The following FBXO39 variants were observed in gnomAD, a reference collection of about 807,000 sequenced individuals.
FBXO39 encodes F-box protein 39, also known as F-box only protein 39.
FBXO39 carries 22 observed loss-of-function variants against 36.6 expected under a neutral mutation model. The ratio of observed to expected loss-of-function variants is 0.60; its 90% confidence interval spans 0.43 to 0.86. FBXO39 has a LOEUF of 0.86. Ranked by LOEUF, FBXO39 falls within the 40% of genes least tolerant of loss-of-function variation. FBXO39 has a pLI of 0.00. For missense variants in FBXO39, 536 were observed against 543.9 expected, an observed-to-expected ratio of 0.99 and a Z score of 0.14; for synonymous variants, 206 against 205.8, an observed-to-expected ratio of 1.00 and a Z score of -0.01.
Position 6,780,053 on chromosome 17 carries a change from C to T in FBXO39, c.185C>T (p.Thr62Ile). 8 of 1,614,192 alleles carry T rather than the reference C, an allele frequency of 5.0e-6. No homozygotes were observed. The highest frequency in any genetic ancestry group is 6.8e-6 in the Non-Finnish European group (8 of 1,180,042). The stretch of plus-strand genomic sequence containing the variant: ...GAGCTCTGGCGGTACAGAACCATCA[C>T]CTTCAGCGGGAGACCTTCCAGGGTA... ...SAELWRYRTITFSGRPSRVHA... is the reference protein window; with the variant it reads ...SAELWRYRTIIFSGRPSRVHA... The change falls in exon 2 of 4, where the codon ACC becomes ATC. Residue 62 changes from threonine to isoleucine, a missense_variant. Thr to Ile is a moderately conservative substitution (Grantham distance 89). Coordinates refer to ENST00000321535, the MANE Select transcript of FBXO39 (RefSeq NM_153230.3).
chr17:6,787,227 T>C, intron 3 of FBXO39, 73 bp from the exon 4 acceptor site: 4 of 1,511,114 alleles, frequency 2.6e-6, no homozygotes, highest in African/African-American at 1.5e-5. Flanking sequence ...AGTCACCGTG[T>C]GTGTGTGTGT....
At chr17:6,787,173 G>A in intron 3 of FBXO39, 127 bp from the exon 4 acceptor site, 1 of 1,434,262 alleles carries the variant, frequency 7.0e-7, no homozygotes, top group Non-Finnish European at 9.3e-7. Context: ...TTCAACAACT[G>A]TATGTGTAGA....
chr17:6,778,688 C>A (rs989171119), intron 1 of FBXO39, among the ~76,000 whole-genome samples: 12 of 152,052 alleles, frequency 7.9e-5, no homozygotes, highest in African/African-American at 2.7e-4. Flanking sequence ...GAGGGGCAAA[C>A]AACATGAGGA....
chr17:6,776,863 G>T (rs1057324411), intron 1 of FBXO39, among the ~76,000 whole-genome samples: 3 of 151,766 alleles, frequency 2.0e-5, no homozygotes, highest in Non-Finnish European at 2.9e-5. Context: ...AAGGTCATCC[G>T]ACTGTAATGG....
At chr17:6,782,989 T>C (rs1310935167) in intron 2 of FBXO39, among the ~76,000 whole-genome samples, 1 of 152,140 alleles carries the variant, frequency 6.6e-6, no homozygotes, top group African/African-American at 2.4e-5. Flanking sequence ...CTTTAGCACA[T>C]GGATCATTCA....
intron 2 of FBXO39, among the ~76,000 whole-genome samples, chr17:6,786,484 T>A (rs7213429): frequency 0.27 from 40,946 of 151,824 alleles, 6,007 homozygotes; most frequent in East Asian, 0.56. Context: ...GTACATTTTT[T>A]AAAAACTAAA....
At chr17:6,782,457 C>T (rs902491899) in intron 2 of FBXO39, among the ~76,000 whole-genome samples, 5 of 152,040 alleles carry the variant, frequency 3.3e-5, no homozygotes, top group Non-Finnish European at 5.9e-5. Flanking sequence ...ATGGACTAAA[C>T]CCTCCAATCA....
At chr17:6,781,704 C>T (rs778661124) in intron 2 of FBXO39, among the ~76,000 whole-genome samples, 3 of 152,156 alleles carry the variant, frequency 2.0e-5, no homozygotes, top group African/African-American at 4.8e-5. Flanking sequence ...TCCAAGTACA[C>T]TGCCTCCAAA....
At chr17:6,776,522 C>A (rs1360748571) in intron 1 of FBXO39, among the ~76,000 whole-genome samples, 1 of 152,138 alleles carries the variant, frequency 6.6e-6, no homozygotes, top group Admixed American at 6.5e-5. Flanking sequence ...TATGGTGGAC[C>A]AACCCTGGGT....
intron 2 of FBXO39, among the ~76,000 whole-genome samples, chr17:6,781,634 T>A (rs1489327794): frequency 6.6e-6 from 1 of 152,252 alleles, no homozygotes; most frequent in Non-Finnish European, 1.5e-5. Context: ...TGAGGTTCAA[T>A]GACCAGCCCA....
Position 6,780,821 on chromosome 17 carries a change from T to C in FBXO39, c.953T>C (p.Phe318Ser). The change falls in exon 2 of 4, where the codon TTC becomes TCC. Residue 318 changes from phenylalanine (F) to serine (S), a missense_variant. By Grantham distance (155) the Phe-to-Ser change is radical (BLOSUM62 -2). Transcript: ENST00000321535. Reference protein sequence around the residue: ...IRSISLRSCYFSDPDCSMRPT... With the variant: ...IRSISLRSCYSSDPDCSMRPT... ...AGCATCAGTCTGAGAAGCTGCTATT[T>C]CAGTGACCCAGACTGTTCAATGAGA... The C allele has an allele frequency of 6.2e-7, 1 of 1,614,086 alleles. No homozygotes were observed. Among genetic ancestry groups the C allele is most frequent in the Non-Finnish European group, 8.5e-7 (1 of 1,180,028 alleles).
At chr17:6,778,445 A>G (rs1976461289) in intron 1 of FBXO39, among the ~76,000 whole-genome samples, 1 of 152,198 alleles carries the variant, frequency 6.6e-6, no homozygotes, top group South Asian at 2.1e-4. Context: ...AGAAAGAGTC[A>G]AAAAGCCCAA....
intron 1 of FBXO39, among the ~76,000 whole-genome samples, chr17:6,777,322 A>G (rs1238025005): frequency 1.3e-5 from 2 of 151,390 alleles, no homozygotes; most frequent in African/African-American, 4.9e-5. Flanking sequence ...ATGTGTTCTC[A>G]TTGTTCAACT....
At chr17:6,782,376 C>A (rs970385923) in intron 2 of FBXO39, among the ~76,000 whole-genome samples, 1 of 151,940 alleles carries the variant, frequency 6.6e-6, no homozygotes, top group African/African-American at 2.4e-5. Context: ...AAGAGAAGAC[C>A]GCAAAAAACC....
At chr17:6,787,078 G>A in intron 3 of FBXO39, 122 bp downstream of exon 3, 1 of 1,355,670 alleles carries the variant, frequency 7.4e-7, no homozygotes, top group Non-Finnish European at 1.0e-6. Flanking sequence ...TTGAAAATCA[G>A]CAGTTTCAAA....
chr17:6,778,440 G>T (rs956248104), intron 1 of FBXO39, among the ~76,000 whole-genome samples: 2 of 152,146 alleles, frequency 1.3e-5, no homozygotes, highest in African/African-American at 4.8e-5. Flanking sequence ...ACAGAAGAAA[G>T]AGTCAAAAAG....
In FBXO39 at chr17:6,779,792, G is replaced by C; in HGVS notation, c.-77G>C. 1 of 1,430,056 alleles carries C rather than the reference G, an allele frequency of 7.0e-7. No individual in the cohort carries two copies. Among genetic ancestry groups the C allele is most frequent in the South Asian group, 1.3e-5 (1 of 76,572 alleles). The allele number at this position is 1,430,056 out of a possible 1,614,324, so 88.6% of individuals were successfully genotyped here. ...TCTTCCTTTTTATTCCCCACAGAAA[G>C]CAAGTGATTGCTTTCCTTTCCTCAT... On this transcript the variant is annotated 5_prime_UTR_variant, in exon 2 of 4. Coordinates refer to ENST00000321535, the MANE Select transcript of FBXO39 (RefSeq NM_153230.3).
chr17:6,779,832 C>T lies in FBXO39; in HGVS notation c.-37C>T. On this transcript the variant is annotated 5_prime_UTR_variant, in exon 2 of 4. Transcript: ENST00000321535. ...CCTTTCCTCATTTTTGGAAGCCCTG[C>T]CTAACACACAGCTGCACTGTACATC... The T allele has an allele frequency of 6.3e-7, 1 of 1,585,488 alleles. No individual in the cohort carries two copies. The highest frequency in any genetic ancestry group is 1.7e-4 in the Middle Eastern group (1 of 5,932).
chr17:6,778,747 T>A (rs1976464753), intron 1 of FBXO39, among the ~76,000 whole-genome samples: 1 of 152,226 alleles, frequency 6.6e-6, no homozygotes, highest in African/African-American at 2.4e-5. Flanking sequence ...GTAAAAAGTT[T>A]AGCAGATGGC....
Sources: gnomAD v4.1 joint callset for allele counts (sites outside exome capture counted in the v4.1 genomes callset) on GRCh38, gnomAD v4.1.1 for gene constraint, MANE v1.5 for transcripts, NCBI Gene and HGNC (gene_info 2026-07-23, HGNC 2026-07-21) for gene names.